TFEC: variants seen among roughly 807,000 people sequenced by gnomAD.
TFEC encodes transcription factor EC.
TFEC carries 31 observed loss-of-function variants against 41.6 expected under a neutral mutation model. The ratio of observed to expected loss-of-function variants is 0.74; its 90% CI spans 0.56 to 1.01. The LOEUF is 1.01. Ranked by LOEUF, TFEC falls within the 50% of genes least tolerant of loss-of-function variation. The probability of loss-of-function intolerance (pLI) is 0.00; values close to 1 mark genes in which losing one functional copy is unlikely to be tolerated. For missense variants in TFEC, 402 were observed against 404.1 expected, an observed-to-expected ratio of 0.99 and a Z score of 0.04; for synonymous variants, 143 against 140.6, an observed-to-expected ratio of 1.02 and a Z score of -0.12.
chr7:116,019,053 CAA>C (rs1394399670), intron 1 of TFEC, among the ~76,000 whole-genome samples: 1 of 151,256 alleles, frequency 6.6e-6, no homozygotes, highest in Non-Finnish European at 1.5e-5. Flanking sequence ...ATGGGCAGGC[CAA>C]AGAGTGAGGA....
At chr7:116,033,476 C>T (rs1795835695), upstream of TFEC, among the ~76,000 whole-genome samples, 2 of 152,054 alleles carry the variant, frequency 1.3e-5, no homozygotes, top group South Asian at 4.2e-4. Context: ...GTAATAAATG[C>T]CATGTGAGTT....
chr7:115,974,340 C>T (rs1193999410), intron 2 of TFEC, 84 bp from the exon 3 acceptor site: 3 of 1,043,082 alleles, frequency 2.9e-6, no homozygotes, highest in Admixed American at 3.6e-5. Flanking sequence ...AAAATTCTAG[C>T]AATCTTTAAA....
intron 1 of TFEC, among the ~76,000 whole-genome samples, chr7:116,007,577 C>A (rs1205280343): frequency 6.6e-6 from 1 of 152,096 alleles, no homozygotes; most frequent in East Asian, 1.9e-4. Flanking sequence ...TGACTTATTC[C>A]CACGATTTAC....
At chr7:115,995,960 G>C (rs1319080928) in intron 1 of TFEC, among the ~76,000 whole-genome samples, 1 of 152,138 alleles carries the variant, frequency 6.6e-6, no homozygotes, top group Non-Finnish European at 1.5e-5. Flanking sequence ...CACCACCATG[G>C]GTAAAGCTCT....
At chr7:115,972,629 A>T (rs1353838297) in intron 3 of TFEC, among the ~76,000 whole-genome samples, 1 of 152,140 alleles carries the variant, frequency 6.6e-6, no homozygotes, top group Non-Finnish European at 1.5e-5. Context: ...GCTTTGTTTT[A>T]CATGTGGATC....
intron 1 of TFEC, among the ~76,000 whole-genome samples, chr7:116,130,850 G>A (rs191117096): frequency 4.3e-4 from 65 of 152,266 alleles, no homozygotes; most frequent in Admixed American, 2.9e-3. Flanking sequence ...GGGCTCAAGC[G>A]ATTTGCCCAC....
chr7:115,957,148 A>G (rs1360044111), intron 3 of TFEC, among the ~76,000 whole-genome samples: 3 of 151,936 alleles, frequency 2.0e-5, no homozygotes, highest in Non-Finnish European at 2.9e-5. Context: ...TTGGACAAAA[A>G]TCAATATACA....
intron 1 of TFEC, among the ~76,000 whole-genome samples, chr7:116,113,606 G>T (rs1797905370): frequency 6.6e-6 from 1 of 152,000 alleles, no homozygotes; most frequent in Non-Finnish European, 1.5e-5. Flanking sequence ...TTTGCCAGGT[G>T]ATTGTCAGGA....
intron 2 of TFEC, among the ~76,000 whole-genome samples, chr7:115,981,419 G>A (rs188399493): frequency 6.2e-4 from 95 of 152,012 alleles, no homozygotes; most frequent in African/African-American, 2.1e-3. Context: ...ATTACTTAAA[G>A]TATCACTGTA....
intron 1 of TFEC, among the ~76,000 whole-genome samples, chr7:115,999,025 T>C (rs1376824518): frequency 2.6e-5 from 4 of 151,986 alleles, no homozygotes; most frequent in Non-Finnish European, 5.9e-5. Flanking sequence ...ATGGCTACAA[T>C]ATACACATTC....
intron 3 of TFEC, among the ~76,000 whole-genome samples, chr7:116,081,900 A>G (rs1389092874): frequency 6.6e-6 from 1 of 151,896 alleles, no homozygotes; most frequent in Non-Finnish European, 1.5e-5. Context: ...ATTAATGTTT[A>G]CCTCTCAAGA....
chr7:116,106,211 T>C (rs1297274255), intron 3 of TFEC, among the ~76,000 whole-genome samples: 1 of 152,180 alleles, frequency 6.6e-6, no homozygotes, highest in African/African-American at 2.4e-5. Flanking sequence ...TTAAAATAAA[T>C]TAATAAATAC....
chr7:116,052,401 G>T (rs993745112), intron 3 of TFEC, among the ~76,000 whole-genome samples: 1 of 152,064 alleles, frequency 6.6e-6, no homozygotes, highest in Non-Finnish European at 1.5e-5. Context: ...AAAAAGAAAA[G>T]AAACAAAAAT....
chr7:116,055,085 G>T (rs191942134), intron 3 of TFEC, among the ~76,000 whole-genome samples: 1 of 152,226 alleles, frequency 6.6e-6, no homozygotes, highest in Non-Finnish European at 1.5e-5. Flanking sequence ...ATGCCAGTGG[G>T]CAAGCTCCCT....
rs758442706 is a variant in TFEC, at chr7:115,940,810, C to T, written c.785G>A (p.Cys262Tyr). ...CCCCTGAGACACAGTCAGTTGTTGG[C>T]AATAGTCTACTGAATTCTGCTCAGG... ...SHPEQNSVDYCQQLTVSQGPS... is the reference protein window; with the variant it reads ...SHPEQNSVDYYQQLTVSQGPS... The change falls in exon 8 of 8, where the codon TGC (cysteine) becomes TAC (tyrosine). Residue 262 changes from cysteine to tyrosine, a missense_variant. Transcript: ENST00000265440. The T allele has an allele frequency of 1.2e-6, 2 of 1,613,474 alleles. No individual in the cohort carries two copies. Among genetic ancestry groups the T allele is most frequent in the Non-Finnish European group, 1.7e-6 (2 of 1,179,610 alleles).
intron 1 of TFEC, among the ~76,000 whole-genome samples, chr7:116,155,370 A>G (rs1798848569): frequency 6.6e-6 from 1 of 152,218 alleles, no homozygotes; most frequent in South Asian, 2.1e-4. Context: ...ACTATTTTAC[A>G]AAAGGCAATT....
At chr7:116,082,426 A>T (rs947819585) in intron 3 of TFEC, among the ~76,000 whole-genome samples, 16 of 151,996 alleles carry the variant, frequency 1.1e-4, no homozygotes, top group South Asian at 4.1e-4. Context: ...ATATATTCTA[A>T]CTCACCAGAA....
intron 3 of TFEC, among the ~76,000 whole-genome samples, chr7:116,052,915 C>CA (rs1321242131): frequency 2.0e-5 from 3 of 151,454 alleles, no homozygotes; most frequent in South Asian, 2.1e-4. Context: ...TAAAAAAATA[C>CA]AAAAAAATTA....
chr7:116,155,580 G>A (rs572884021), intron 1 of TFEC, among the ~76,000 whole-genome samples: 2 of 151,982 alleles, frequency 1.3e-5, no homozygotes, highest in East Asian at 1.9e-4. Flanking sequence ...GAAAAAAAAA[G>A]AAAGAAAGAA....
Sources: gnomAD v4.1 joint callset for allele counts (sites outside exome capture counted in the v4.1 genomes callset) on GRCh38, gnomAD v4.1.1 for gene constraint, MANE v1.5 for transcripts, NCBI Gene and HGNC (gene_info 2026-07-23, HGNC 2026-07-21) for gene names.